The following RYR3 variants were observed in gnomAD, a reference collection of about 807,000 sequenced individuals.
RYR3 encodes the protein brain ryanodine receptor-calcium release channel.
RYR3 carries 207 observed loss-of-function variants against 584.3 expected under a neutral mutation model. That is an observed-to-expected ratio of 0.35 (90% CI 0.32 to 0.40). The LOEUF is 0.40. RYR3 is among the 10% of genes least tolerant of loss of function. The pLI is 1.00. For missense variants in RYR3, 5,616 were observed against 6,089.2 expected (o/e 0.92, Z 2.59); for synonymous variants, 2,416 against 2,248.5 (o/e 1.07, Z -2.11).
chr15:33,604,154 T>C (rs1003502529), intron 18 of RYR3, among the ~76,000 whole-genome samples: 1 of 152,258 alleles, frequency 6.6e-6, no homozygotes, highest in African/African-American at 2.4e-5. Flanking sequence ...GCGTCCCTTA[T>C]AGAAATCCCT....
At chr15:33,668,079 T>C (rs1326853091) in intron 36 of RYR3, among the ~76,000 whole-genome samples, 2 of 27,110 alleles carry the variant, frequency 7.4e-5, no homozygotes, top group Non-Finnish European at 8.5e-5. Context: ...AAAAAAAAAA[T>C]CCCTGAGACA....
intron 1 of RYR3, among the ~76,000 whole-genome samples, chr15:33,353,783 CA>C (rs895414889): frequency 1.7e-4 from 26 of 151,114 alleles, no homozygotes; most frequent in African/African-American, 4.9e-4. Context: ...ATTTTTTTTT[CA>C]GGTAGGTCTA....
intron 12 of RYR3, among the ~76,000 whole-genome samples, chr15:33,573,051 C>T (rs8030964): frequency 0.055 from 8,428 of 151,972 alleles, 360 homozygotes; most frequent in African/African-American, 0.12. Flanking sequence ...TTTCCAGAGT[C>T]CAGAGATTGT....
intron 16 of RYR3, among the ~76,000 whole-genome samples, chr15:33,599,226 G>A (rs1020190325): frequency 1.3e-5 from 2 of 152,180 alleles, no homozygotes; most frequent in Non-Finnish European, 2.9e-5. Flanking sequence ...ATTTGTCAAA[G>A]GTCAGGGGCA....
chr15:33,457,160 A>T (rs1362383006), intron 1 of RYR3, among the ~76,000 whole-genome samples: 1 of 152,250 alleles, frequency 6.6e-6, no homozygotes. Flanking sequence ...ATGTGCCAAA[A>T]GAAAATTAAG....
intron 1 of RYR3, among the ~76,000 whole-genome samples, chr15:33,410,289 C>G (rs539183750): frequency 1.3e-5 from 2 of 152,286 alleles, no homozygotes; most frequent in Middle Eastern, 3.4e-3. Context: ...TGAACAGGAG[C>G]CTTTGATTCT....
chr15:33,386,122 A>G (rs780270628), intron 1 of RYR3, among the ~76,000 whole-genome samples: 47 of 152,166 alleles, frequency 3.1e-4, no homozygotes, highest in Non-Finnish European at 6.5e-4. Flanking sequence ...TTCTATATCA[A>G]TTTGTCTTAA....
chr15:33,669,251 A>T (rs2063673037), intron 36 of RYR3, 103 bp from the exon 37 acceptor site: 5 of 779,590 alleles, frequency 6.4e-6, no homozygotes, highest in Non-Finnish European at 9.6e-6. Context: ...ATCACTAAGT[A>T]AAATAAATTT....
chr15:33,672,462 T>TTGGG (rs2063905134), intron 38 of RYR3, among the ~76,000 whole-genome samples: 4 of 152,302 alleles, frequency 2.6e-5, no homozygotes, highest in African/African-American at 9.6e-5. Flanking sequence ...ATAAGTACTC[T>TTGGG]ATCTTGGGAT....
intron 11 of RYR3, among the ~76,000 whole-genome samples, chr15:33,564,613 A>G (rs533268498): frequency 2.6e-5 from 4 of 152,320 alleles, no homozygotes; most frequent in Admixed American, 6.5e-5. Context: ...TTTCAAACCT[A>G]CTAAGGCAAT....
At chr15:33,443,589 G>C (rs571176817) in intron 1 of RYR3, among the ~76,000 whole-genome samples, 1 of 152,088 alleles carries the variant, frequency 6.6e-6, no homozygotes, top group South Asian at 2.1e-4. Context: ...TGCTTACCTA[G>C]GACAGTACAG....
chr15:33,520,818 G>A (rs1431264073), intron 3 of RYR3, among the ~76,000 whole-genome samples: 1 of 152,166 alleles, frequency 6.6e-6, no homozygotes, highest in Non-Finnish European at 1.5e-5. Flanking sequence ...CCAATTTGGA[G>A]GCATACCAGT....
chr15:33,310,996 G>A lies in RYR3; in HGVS notation c.-50G>A. The A allele has an allele frequency of 6.7e-7, 1 of 1,482,718 alleles. No individual in the cohort carries two copies. Among genetic ancestry groups the A allele is most frequent in the Non-Finnish European group, 9.2e-7 (1 of 1,084,880 alleles). The allele number at this position is 1,482,718 out of a possible 1,614,324, so 91.8% of individuals were successfully genotyped here. A position where few individuals can be genotyped will look rare whatever the true frequency, so the allele number is the denominator to read the frequency against. Reference sequence around the variant, plus strand: ...GTCAGCGCACGCCGAGCGGCTGCCGGGGGAAGCAGAGGCGCCGGAGGCTGG... The same window carrying A: ...GTCAGCGCACGCCGAGCGGCTGCCGAGGGAAGCAGAGGCGCCGGAGGCTGG... On this transcript the variant is annotated 5_prime_UTR_variant, in exon 1 of 104. Transcript: ENST00000634891.
intron 85 of RYR3, among the ~76,000 whole-genome samples, chr15:33,828,313 C>T (rs1011014950): frequency 1.3e-5 from 2 of 152,154 alleles, no homozygotes; most frequent in African/African-American, 2.4e-5. Flanking sequence ...AGTTAATTTC[C>T]CTACAGTGGC....
At position 33,493,777 on chromosome 15, in the gene RYR3, C is replaced by T. The variant is rs146769460; in HGVS notation, c.172-9854C>T. Among the ~76,000 whole-genome samples the T allele has an allele frequency of 6.6e-5, 10 of 152,302 alleles. No individual in the cohort carries two copies. The East Asian group carries it at 1.9e-3, about 29-fold the overall frequency. On this transcript the variant is annotated intron_variant, in intron 2 of 103. Transcript: ENST00000634891. ...CTGTTTTAGCTCTTGTGAGAAATCTCTGAGCACCACCAAAAGAATAATTAG... is the reference window on the plus strand; with the variant it reads ...CTGTTTTAGCTCTTGTGAGAAATCTTTGAGCACCACCAAAAGAATAATTAG...
At chr15:33,839,092 G>A (rs938131051) in intron 89 of RYR3, 134 bp downstream of exon 89, 21 of 1,110,548 alleles carry the variant, frequency 1.9e-5, no homozygotes, top group Middle Eastern at 3.0e-4. Flanking sequence ...GTGTGATTAC[G>A]CTGATCTTAT....
intron 1 of RYR3, among the ~76,000 whole-genome samples, chr15:33,337,934 A>ATTTTTTTTTTTTTT (rs199625940): frequency 1.1e-4 from 12 of 113,602 alleles, no homozygotes; most frequent in East Asian, 2.4e-4. Flanking sequence ...ATTTTAGGAG[A>ATTTTTTTTTTTTTT]TTTTTTTTTT....
At chr15:33,326,924 CTTATTG>C (rs1342470339) in intron 1 of RYR3, among the ~76,000 whole-genome samples, 1 of 151,620 alleles carries the variant, frequency 6.6e-6, no homozygotes, top group Non-Finnish European at 1.5e-5. Context: ...ATTTCTTCAA[CTTATTG>C]TTATATGTCT....
At chr15:33,360,090 T>C (rs1974549920) in intron 1 of RYR3, among the ~76,000 whole-genome samples, 1 of 152,214 alleles carries the variant, frequency 6.6e-6, no homozygotes. Context: ...GTTTTGTTCA[T>C]ATCATATTCC....
Sources: allele counts gnomAD v4.1 joint callset (sites outside exome capture counted in the v4.1 genomes callset), GRCh38; gene constraint gnomAD v4.1.1; transcripts MANE v1.5; gene names NCBI Gene and HGNC (gene_info 2026-07-23, HGNC 2026-07-21).